Variants in IRAK2 observed in about 807,000 individuals in gnomAD.
IRAK2 encodes the protein interleukin-1 receptor-associated kinase-like 2.
Under a neutral mutation model 72.0 loss-of-function variants are expected in IRAK2, and 57 were observed. The observed-to-expected ratio is 0.79, with a 90% CI of 0.64 to 0.99. The LOEUF is 0.99. IRAK2 is among the 50% of genes least tolerant of loss of function. IRAK2 has a pLI of 0.00. For missense variants in IRAK2, 790 were observed against 794.4 expected, an observed-to-expected ratio of 0.99 and a Z score of 0.07; for synonymous variants, 293 against 312.7, an observed-to-expected ratio of 0.94 and a Z score of 0.67.
intron 10 of IRAK2, among the ~76,000 whole-genome samples, chr3:10,232,926 C>T (rs1293025865): frequency 6.6e-6 from 1 of 152,046 alleles, no homozygotes; most frequent in Non-Finnish European, 1.5e-5. Flanking sequence ...TAGCCAAGTA[C>T]AGTAGCATGT....
chr3:10,171,956 G>A (rs1459363766), intron 1 of IRAK2, among the ~76,000 whole-genome samples: 1 of 151,910 alleles, frequency 6.6e-6, no homozygotes, highest in Non-Finnish European at 1.5e-5. Context: ...AGTAGAGATG[G>A]GCTGGGCGTA....
intron 2 of IRAK2, among the ~76,000 whole-genome samples, chr3:10,183,612 T>A (rs1696997810): frequency 6.6e-6 from 1 of 152,042 alleles, no homozygotes; most frequent in Admixed American, 6.6e-5. Context: ...TCCCAGCTAC[T>A]CAGGAGGCTG....
intron 10 of IRAK2, among the ~76,000 whole-genome samples, chr3:10,227,388 C>T (rs1430303679): frequency 2.6e-5 from 4 of 151,982 alleles, no homozygotes; most frequent in South Asian, 2.1e-4. Flanking sequence ...ACAGAGGTTG[C>T]GGTGAGCCAA....
At position 10,219,669 on chromosome 3, in the gene IRAK2, C is replaced by T. The variant is rs1420367001; in HGVS notation, c.904-11C>T. ...TGTGACTATTTGTCCTCCTGCTTTT[C>T]TTTCTCTTAGGGTGGCTCGGACCCC... On this transcript the variant is annotated splice_polypyrimidine_tract_variant and intron_variant, in intron 7 of 12. Coordinates refer to ENST00000256458, the MANE Select transcript of IRAK2 (RefSeq NM_001570.4). 1 of 1,606,796 alleles carries T rather than the reference C, an allele frequency of 6.2e-7. No individual in the cohort carries two copies. The highest frequency in any genetic ancestry group is 8.5e-7 in the Non-Finnish European group (1 of 1,173,704).
At chr3:10,190,455 C>T (rs1365117376) in intron 2 of IRAK2, among the ~76,000 whole-genome samples, 4 of 151,578 alleles carry the variant, frequency 2.6e-5, no homozygotes, top group African/African-American at 9.7e-5. Context: ...TAGAGGTTTT[C>T]TTAAAGTTAA....
intron 9 of IRAK2, among the ~76,000 whole-genome samples, chr3:10,225,856 G>A (rs968916147): frequency 2.6e-5 from 4 of 151,918 alleles, no homozygotes; most frequent in African/African-American, 9.7e-5. Flanking sequence ...CCGCCACCGC[G>A]CCTGGCTCAT....
At chr3:10,188,398 G>C (rs185543363) in intron 2 of IRAK2, among the ~76,000 whole-genome samples, 1 of 152,128 alleles carries the variant, frequency 6.6e-6, no homozygotes, top group East Asian at 1.9e-4. Context: ...GCCATGGCTC[G>C]ATCTCGGCTC....
At chr3:10,179,864 C>T (rs552823309) in intron 2 of IRAK2, among the ~76,000 whole-genome samples, 2 of 152,300 alleles carry the variant, frequency 1.3e-5, no homozygotes, top group South Asian at 4.1e-4. Flanking sequence ...GCCACCATGC[C>T]CAGCCATTTT....
At chr3:10,234,844 G>A (rs1213200101) in intron 11 of IRAK2, among the ~76,000 whole-genome samples, 185 bp downstream of exon 11, 2 of 152,198 alleles carry the variant, frequency 1.3e-5, no homozygotes, top group Non-Finnish European at 2.9e-5. Context: ...GCCCGAGGAC[G>A]GGTATTGCAG....
intron 8 of IRAK2, among the ~76,000 whole-genome samples, chr3:10,220,735 C>G (rs1024602751): frequency 2.0e-5 from 3 of 152,156 alleles, no homozygotes; most frequent in Non-Finnish European, 4.4e-5. Context: ...GCCACCACCC[C>G]GGCTCTCTCC....
At chr3:10,198,446 A>T (rs754461061) in intron 2 of IRAK2, among the ~76,000 whole-genome samples, 1 of 152,176 alleles carries the variant, frequency 6.6e-6, no homozygotes, top group Non-Finnish European at 1.5e-5. Flanking sequence ...CAGTGATGGC[A>T]GTGGTGTTTC....
intron 2 of IRAK2, among the ~76,000 whole-genome samples, chr3:10,182,086 G>T (rs757343919): frequency 6.7e-6 from 1 of 149,836 alleles, no homozygotes; most frequent in Non-Finnish European, 1.5e-5. Context: ...TCTTCCCTCA[G>T]CCTCCCAAGT....
chr3:10,239,847 T>A (rs1698024860), intron 12 of IRAK2, among the ~76,000 whole-genome samples: 2 of 152,076 alleles, frequency 1.3e-5, no homozygotes, highest in South Asian at 4.1e-4. Flanking sequence ...CACCAGTCAC[T>A]TCTAAAGATA....
At chr3:10,219,468 G>T (rs541395187) in intron 7 of IRAK2, among the ~76,000 whole-genome samples, 18 of 152,010 alleles carry the variant, frequency 1.2e-4, no homozygotes, top group African/African-American at 4.3e-4. Context: ...ACAGGCAGCC[G>T]CCACCAGGAC....
intron 11 of IRAK2, among the ~76,000 whole-genome samples, chr3:10,235,398 A>G (rs1697940981): frequency 6.6e-6 from 1 of 152,038 alleles, no homozygotes; most frequent in African/African-American, 2.4e-5. Flanking sequence ...CCCGGGTTCA[A>G]GTAATTCTCT....
At chr3:10,240,798 A>G (rs1385063687) in intron 12 of IRAK2, among the ~76,000 whole-genome samples, 2 of 151,218 alleles carry the variant, frequency 1.3e-5, no homozygotes, top group Non-Finnish European at 2.9e-5. Context: ...ACCTCAGGTG[A>G]TCCGCCCACC....
rs1697717477 is a variant in IRAK2 at position 10,222,830 on chromosome 3, T to C, written c.1208T>C (p.Ile403Thr). Reference sequence around the variant, plus strand: ...CGAGTGGACATCTTCAGCTGTGGAATAGTAAGAGTGTCCTGCTCTGCGTAG... The same window carrying C: ...CGAGTGGACATCTTCAGCTGTGGAACAGTAAGAGTGTCCTGCTCTGCGTAG... ...TKRVDIFSCG[I>T]VLAEVLTGIP... The change falls in exon 9 of 13, where the codon ATA (isoleucine) becomes ACA (threonine). Residue 403 changes from isoleucine to threonine, a missense_variant and splice_region_variant. Transcript: ENST00000256458. 2 of 1,613,806 alleles carry C rather than the reference T, an allele frequency of 1.2e-6. No individual in the cohort carries two copies. The highest frequency in any genetic ancestry group is 2.2e-5 in the East Asian group (1 of 44,866).
chr3:10,192,663 A>G (rs1261557405), intron 2 of IRAK2, among the ~76,000 whole-genome samples: 2 of 152,228 alleles, frequency 1.3e-5, no homozygotes, highest in East Asian at 3.8e-4. Context: ...AGTGGTCATT[A>G]TAATAACAGT....
At chr3:10,203,644 G>A (rs1697396973) in intron 3 of IRAK2, among the ~76,000 whole-genome samples, 2 of 152,216 alleles carry the variant, frequency 1.3e-5, no homozygotes, top group Admixed American at 6.5e-5. Flanking sequence ...TGTTTGTTTT[G>A]TTTTTTGAGA....
Sources: gnomAD v4.1 joint callset for allele counts (sites outside exome capture counted in the v4.1 genomes callset) on GRCh38, gnomAD v4.1.1 for gene constraint, MANE v1.5 for transcripts, NCBI Gene and HGNC (gene_info 2026-07-23, HGNC 2026-07-21) for gene names.